Variants in MPZL1 observed in about 807,000 individuals in gnomAD.
MPZL1 encodes myelin protein zero like 1.
Under a neutral mutation model 29.3 loss-of-function variants are expected in MPZL1, and 16 were observed. The observed-to-expected ratio is 0.55, with a 90% confidence interval of 0.37 to 0.83. MPZL1 has a LOEUF of 0.83. Ranked by LOEUF, MPZL1 falls within the 40% of genes least tolerant of loss-of-function variation. The pLI is 0.00. For synonymous variants in MPZL1, 143 were observed against 132.0 expected (o/e 1.08, Z -0.57); for missense variants, 279 against 332.9 (o/e 0.84, Z 1.26).
chr1:167,727,102 G>A (rs1429509921), intron 1 of MPZL1, among the ~76,000 whole-genome samples: 1 of 152,154 alleles, frequency 6.6e-6, no homozygotes, highest in Non-Finnish European at 1.5e-5. Context: ...AAACTTATAA[G>A]GGATATGTTA....
rs1016090078 is a variant in MPZL1 at position 167,722,357 on chromosome 1, G to A, written c.91+115G>A. On this transcript the variant is annotated intron_variant, in intron 1 of 5. Coordinates refer to ENST00000359523, the MANE Select transcript of MPZL1 (RefSeq NM_003953.6). Reference sequence around the variant, plus strand: ...CGCACTGAGAGCCGAGGTGGGGAGGGGGCGCGGCCTGCGCTCTCTGGGGCC... The same window carrying A: ...CGCACTGAGAGCCGAGGTGGGGAGGAGGCGCGGCCTGCGCTCTCTGGGGCC... The A allele has an allele frequency of 5.7e-6, 7 of 1,225,190 alleles. No homozygotes were observed. The Admixed American group carries it at 1.7e-4, about 30-fold the overall frequency. 75.9% of individuals were successfully genotyped at this position (1,225,190 alleles called of 1,614,324 possible). A position where few individuals can be genotyped will look rare whatever the true frequency, so the allele number is the denominator to read the frequency against.
In MPZL1 at chr1:167,788,001, TG is replaced by T; in HGVS notation, c.*81del. 8.2e-7 allele frequency: 1 copy of T among 1,214,252 alleles called. No homozygotes were observed. Among genetic ancestry groups the T allele is most frequent in the South Asian group, 1.3e-5 (1 of 79,238 alleles). The allele number at this position is 1,214,252 out of a possible 1,614,324, so 75.2% of individuals were successfully genotyped here. A position where few individuals can be genotyped will look rare whatever the true frequency, so the allele number is the denominator to read the frequency against. ...GCAGAAAATGTAGCCCATTACCACATGTAGCCTTGGAGACCCAGGCAAGGAC... is the reference window on the plus strand; with the variant it reads ...GCAGAAAATGTAGCCCATTACCACATTAGCCTTGGAGACCCAGGCAAGGAC... On this transcript the variant is annotated 3_prime_UTR_variant, in exon 6 of 6. Coordinates refer to ENST00000359523, the MANE Select transcript of MPZL1 (RefSeq NM_003953.6).
intron 1 of MPZL1, among the ~76,000 whole-genome samples, chr1:167,752,158 T>C (rs1005301613): frequency 6.6e-6 from 1 of 152,254 alleles, no homozygotes; most frequent in Non-Finnish European, 1.5e-5. Flanking sequence ...TTTTTCTGTC[T>C]CTGCAAAATG....
intron 1 of MPZL1, among the ~76,000 whole-genome samples, chr1:167,722,486 G>A (rs55861261): frequency 0.044 from 6,775 of 152,272 alleles, 203 homozygotes; most frequent in Middle Eastern, 0.13. Context: ...AGGAGGAGGG[G>A]AGAGTGCTTT....
chr1:167,733,772 G>A (rs901774135), intron 1 of MPZL1, among the ~76,000 whole-genome samples: 16 of 151,778 alleles, frequency 1.1e-4, no homozygotes, highest in Non-Finnish European at 1.9e-4. Flanking sequence ...AGGCTTAGTG[G>A]CGTGAGCCTG....
chr1:167,723,327 A>C (rs1431755303), intron 1 of MPZL1, among the ~76,000 whole-genome samples: 1 of 152,232 alleles, frequency 6.6e-6, no homozygotes, highest in Admixed American at 6.5e-5. Flanking sequence ...TGGATCAGGG[A>C]AACTAGGTGA....
chr1:167,733,161 A>C lies in MPZL1; in HGVS notation c.91+10919A>C, dbSNP rs1660304444. Among the ~76,000 whole-genome samples, 4 of 152,316 alleles carry C rather than the reference A, an allele frequency of 2.6e-5. No homozygotes were observed. In the South Asian group the frequency reaches 8.3e-4, roughly 32 times the overall value. Reference sequence around the variant, plus strand: ...TCCTATCTATTTCACTTGTAGGAATACCGTGACCAGCTGATCAATGCCATA... The same window carrying C: ...TCCTATCTATTTCACTTGTAGGAATCCCGTGACCAGCTGATCAATGCCATA... On this transcript the variant is annotated intron_variant, in intron 1 of 5. Transcript: ENST00000359523.
At chr1:167,783,437 G>C (rs1488232801) in intron 5 of MPZL1, among the ~76,000 whole-genome samples, 1 of 152,182 alleles carries the variant, frequency 6.6e-6, no homozygotes, top group Non-Finnish European at 1.5e-5. Context: ...TCCTTTTCTG[G>C]ATATCGTTGA....
At chr1:167,760,857 C>T (rs564154662) in intron 1 of MPZL1, among the ~76,000 whole-genome samples, 6 of 150,992 alleles carry the variant, frequency 4.0e-5, no homozygotes, top group East Asian at 1.9e-4. Flanking sequence ...TAAATAGATA[C>T]GCAGTCAGAG....
intron 1 of MPZL1, among the ~76,000 whole-genome samples, chr1:167,737,913 G>GT (rs533628255): frequency 6.8e-6 from 1 of 146,004 alleles, no homozygotes; most frequent in Non-Finnish European, 1.5e-5. Context: ...GATTTCTTGT[G>GT]TTTTTTTGTT....
At chr1:167,748,693 A>G (rs1334072139) in intron 1 of MPZL1, among the ~76,000 whole-genome samples, 2 of 152,286 alleles carry the variant, frequency 1.3e-5, no homozygotes, top group Middle Eastern at 3.4e-3. Context: ...ACCATTGCCT[A>G]ATACAAGATC....
intron 2 of MPZL1, among the ~76,000 whole-genome samples, chr1:167,770,462 G>T (rs532500651): frequency 8.5e-5 from 13 of 152,240 alleles, no homozygotes; most frequent in Non-Finnish European, 1.9e-4. Flanking sequence ...AGACTGAGGA[G>T]TGGAAAGAGA....
Position 167,739,302 on chromosome 1 carries a change from T to TATATAC in MPZL1, c.91+17065_91+17066insCATATA, listed in dbSNP as rs1558110663. On this transcript the variant is annotated intron_variant, in intron 1 of 5. Transcript: ENST00000359523. ...ATATACATATATATATATATATATA[T>TATATAC]ATATATACACATATATATATTTATG... Among the ~76,000 whole-genome samples the TATATAC allele has an allele frequency of 8.0e-4, 95 of 119,300 alleles. 4 individuals are homozygous for TATATAC. The highest frequency in any genetic ancestry group is 3.4e-3 in the African/African-American group (78 of 22,744). 78.3% of individuals were successfully genotyped at this position (119,300 alleles called of 152,430 possible).
At chr1:167,771,080 T>C (rs1053220928) in intron 2 of MPZL1, among the ~76,000 whole-genome samples, 7 of 150,958 alleles carry the variant, frequency 4.6e-5, no homozygotes, top group Non-Finnish European at 7.4e-5. Context: ...AGGATAATAG[T>C]GGAGAGAAGG....
chr1:167,759,024 G>A (rs760072490), intron 1 of MPZL1, among the ~76,000 whole-genome samples: 3 of 152,092 alleles, frequency 2.0e-5, no homozygotes, highest in Admixed American at 2.0e-4. Flanking sequence ...TTTCATTTCT[G>A]TGTTTTTATT....
At chr1:167,754,322 A>G (rs1406894236) in intron 1 of MPZL1, among the ~76,000 whole-genome samples, 1 of 152,154 alleles carries the variant, frequency 6.6e-6, no homozygotes, top group African/African-American at 2.4e-5. Context: ...GAGCTTCCAA[A>G]TGCTTAGTGC....
chr1:167,783,612 A>T (rs1357462364), intron 5 of MPZL1, among the ~76,000 whole-genome samples: 1 of 152,196 alleles, frequency 6.6e-6, no homozygotes, highest in Non-Finnish European at 1.5e-5. Flanking sequence ...CTCCAGGGTA[A>T]GTTCTTCTGT....
At chr1:167,739,755 T>A (rs1364406477) in intron 1 of MPZL1, among the ~76,000 whole-genome samples, 2 of 152,166 alleles carry the variant, frequency 1.3e-5, no homozygotes, top group Non-Finnish European at 2.9e-5. Flanking sequence ...CATATCCCTG[T>A]TAACTACAGT....
intron 1 of MPZL1, among the ~76,000 whole-genome samples, chr1:167,741,105 C>T (rs1660512048): frequency 6.6e-6 from 1 of 152,092 alleles, no homozygotes; most frequent in Non-Finnish European, 1.5e-5. Context: ...CAGCCTTGAA[C>T]TCTTGGGCTC....
Sources: allele counts gnomAD v4.1 joint callset (sites outside exome capture counted in the v4.1 genomes callset), GRCh38; gene constraint gnomAD v4.1.1; transcripts MANE v1.5; gene names NCBI Gene and HGNC (gene_info 2026-07-23, HGNC 2026-07-21).